RBFA: variants seen among roughly 807,000 people sequenced by gnomAD.
RBFA encodes the protein ribosome binding factor A, also known as putative ribosome-binding factor A, mitochondrial.
Under a neutral mutation model 27.9 loss-of-function variants are expected in RBFA, and 16 were observed. That is an observed-to-expected ratio of 0.57 (90% CI 0.39 to 0.87). RBFA has a LOEUF of 0.87. Ranked by LOEUF, RBFA falls within the 40% of genes least tolerant of loss-of-function variation. RBFA has a pLI of 0.00. For missense variants in RBFA, 456 were observed against 432.1 expected (o/e 1.06, Z -0.49); for synonymous variants, 181 against 181.0 (o/e 1.00, Z 0.00).
Position 80,047,489 on chromosome 18 carries a change from T to C in RBFA, c.*1334T>C, listed in dbSNP as rs2052064196. 6.6e-6 allele frequency: 1 copy of C among 152,366 alleles called. No homozygotes were observed. Among genetic ancestry groups the C allele is most frequent in the Non-Finnish European group, 1.5e-5 (1 of 68,086 alleles). The allele number at this position is 152,366 out of a possible 1,614,324, so 9.4% of individuals were successfully genotyped here. A position where few individuals can be genotyped will look rare whatever the true frequency, so the allele number is the denominator to read the frequency against. On this transcript the variant is annotated 3_prime_UTR_variant, in exon 7 of 7. Transcript: ENST00000306735. ...CCCTTGTTTTTCTTTTCATTTGTGC[T>C]CTGGGACTAAGCTGTGTATAAGTCA...
chr18:80,042,117 G>GT lies in RBFA; in HGVS notation c.492-17dup, dbSNP rs1555724144. On this transcript the variant is annotated splice_polypyrimidine_tract_variant and intron_variant, in intron 4 of 6. Transcript: ENST00000306735. The stretch of plus-strand genomic sequence containing the variant: ...TGTCACGGCACAGCTGTGAGGGTCT[G>GT]TGCGTTCTGTCTCCTAGGCACCTTT... 4 of 1,589,188 alleles carry GT rather than the reference G, an allele frequency of 2.5e-6. No homozygotes were observed. Among genetic ancestry groups the GT allele is most frequent in the Non-Finnish European group, 3.4e-6 (4 of 1,164,018 alleles).
At chr18:80,045,453 C>A (rs1389071165) in intron 6 of RBFA, among the ~76,000 whole-genome samples, 1 of 152,052 alleles carries the variant, frequency 6.6e-6, no homozygotes, top group Non-Finnish European at 1.5e-5. Flanking sequence ...TCTTGCACTC[C>A]TGACCTCGTG....
At chr18:80,039,914 A>G (rs1398299241) in intron 4 of RBFA, among the ~76,000 whole-genome samples, 2 of 152,166 alleles carry the variant, frequency 1.3e-5, no homozygotes, top group East Asian at 1.9e-4. Context: ...AACTATTTAT[A>G]TGTTTATTTA....
chr18:80,034,668 G>A lies in RBFA; in HGVS notation c.158+15G>A, dbSNP rs777141844. On this transcript the variant is annotated intron_variant, in intron 1 of 6. Transcript: ENST00000306735. The stretch of plus-strand genomic sequence containing the variant: ...TCGAAAACCAAGTAATGCGGCGGGG[G>A]CGGTGTCCCTGGGCGCGGTATTCCC... 10 of 1,607,054 alleles carry A rather than the reference G, an allele frequency of 6.2e-6. No homozygotes were observed. In the South Asian group the frequency reaches 1.0e-4, roughly 16 times the overall value.
rs757201580 is a variant in RBFA at position 80,034,531 on chromosome 18, C to T, written c.36C>T (p.Arg12=). The part of the protein sequence containing the change: ...WAAAGGLWRS[R]AGLRALFRSR... ...CGGCGGGCGGGCTGTGGCGCTCCCG[C>T]GCGGGTCTCCGGGCCCTGTTCCGTA... The change falls in exon 1 of 7, where the codon CGC becomes CGT. Residue 12 remains arginine, a synonymous_variant. Transcript: ENST00000306735. The T allele has an allele frequency of 1.9e-6, 3 of 1,589,158 alleles. No individual in the cohort carries two copies. The African/African-American group carries it at 4.2e-5, about 22-fold the overall frequency.
Position 80,048,440 on chromosome 18 carries a change from C to T in RBFA, c.*2285C>T, listed in dbSNP as rs2052071361. ...TTTGCATGCATCTGATGTGCCCAGG[C>T]TGTGTTTTATTGTTCTAGCAATTTA... is the stretch of plus-strand genomic sequence containing the variant. On this transcript the variant is annotated 3_prime_UTR_variant, in exon 7 of 7. Coordinates refer to ENST00000306735, the MANE Select transcript of RBFA (RefSeq NM_024805.3). Among the ~76,000 whole-genome samples, 1 of 152,176 alleles carries T rather than the reference C, an allele frequency of 6.6e-6. No individual in the cohort carries two copies. Among genetic ancestry groups the T allele is most frequent in the Non-Finnish European group, 1.5e-5 (1 of 68,042 alleles).
rs908012946 is a variant in RBFA, at chr18:80,048,910, T to C, written c.*2755T>C. 2.2e-5 allele frequency among the ~76,000 whole-genome samples: 3 copies of C among 139,306 alleles called. No homozygotes were observed. The highest frequency in any genetic ancestry group is 2.0e-4 in the East Asian group (1 of 4,924). 91.4% of individuals were successfully genotyped at this position (139,306 alleles called of 152,430 possible). A position where few individuals can be genotyped will look rare whatever the true frequency, so the allele number is the denominator to read the frequency against. ...GCTCAGTGCCTCCTAGAAAGTGGAG[T>C]GTGGGCACGTTTGCAGGGGATCCAA... On this transcript the variant is annotated 3_prime_UTR_variant, in exon 7 of 7. Transcript: ENST00000306735.
intron 1 of RBFA, chr18:80,035,428 A>T (rs1599764275): frequency 6.6e-6 from 1 of 152,018 alleles, no homozygotes; most frequent in African/African-American, 2.4e-5. Context: ...TGGCTGTGCC[A>T]GTTTTGAGGG....
In RBFA at chr18:80,046,860, C is replaced by G. The variant is rs960533788; in HGVS notation, c.*705C>G. The G allele has an allele frequency of 2.6e-5, 4 of 152,670 alleles. No homozygotes were observed. The highest frequency in any genetic ancestry group is 9.6e-5 in the African/African-American group (4 of 41,454). The allele number at this position is 152,670 out of a possible 1,614,324, so 9.5% of individuals were successfully genotyped here. On this transcript the variant is annotated 3_prime_UTR_variant, in exon 7 of 7. Transcript: ENST00000306735. ...CAGCTAGTGTATTTTCTAATCCATC[C>G]AAAGGTGAAACAGACTTGGTCTTTG... is the stretch of plus-strand genomic sequence containing the variant.
chr18:80,038,357 G>A (rs1003388658), intron 3 of RBFA, 148 bp from the exon 4 acceptor site: 29 of 591,986 alleles, frequency 4.9e-5, no homozygotes, highest in African/African-American at 4.3e-4. Flanking sequence ...GACATGGTGC[G>A]GCAGCAGGAG....
At chr18:80,041,968 C>T (rs988537308) in intron 4 of RBFA, 167 bp from the exon 5 acceptor site, 35 of 291,836 alleles carry the variant, frequency 1.2e-4, no homozygotes, top group Admixed American at 1.1e-3. Flanking sequence ...CCTCGTGATC[C>T]GCCCGCCTCG....
At chr18:80,037,660 C>T (rs184840934) in intron 3 of RBFA, among the ~76,000 whole-genome samples, 154 bp downstream of exon 3, 41 of 152,272 alleles carry the variant, frequency 2.7e-4, no homozygotes, top group African/African-American at 8.7e-4. Flanking sequence ...GAGGCTGAGG[C>T]GGGCGGATCA....
At chr18:80,036,569 G>A (rs1404406901) in intron 1 of RBFA, 99 bp from the exon 2 acceptor site, 4 of 758,552 alleles carry the variant, frequency 5.3e-6, no homozygotes, top group East Asian at 2.6e-5. Context: ...TCTAAGTTTA[G>A]CCCCCTATAA....
Position 80,034,566 on chromosome 18 carries a change from C to G in RBFA, c.71C>G (p.Ala24Gly), listed in dbSNP as rs765391076. 6.2e-7 allele frequency: 1 copy of G among 1,609,436 alleles called. No individual in the cohort carries two copies. Among genetic ancestry groups the G allele is most frequent in the Non-Finnish European group, 8.5e-7 (1 of 1,179,076 alleles). The stretch of plus-strand genomic sequence containing the variant: ...CGGGCCCTGTTCCGTAGCCGCGATG[C>G]TGCGCTATTTCCAGGCTGCGAGCGG... ...GLRALFRSRDAALFPGCERGL... is the reference protein window; with the variant it reads ...GLRALFRSRDGALFPGCERGL... Residue 24 changes from alanine to glycine, a missense_variant, in exon 1 of 7, where the codon GCT (alanine) becomes GGT (glycine). Coordinates refer to ENST00000306735, the MANE Select transcript of RBFA (RefSeq NM_024805.3).
chr18:80,049,247 C>T lies in RBFA; in HGVS notation c.*3092C>T, dbSNP rs139021695. 0.019 allele frequency among the ~76,000 whole-genome samples: 2,814 copies of T among 151,510 alleles called. 33 individuals are homozygous for T. Among genetic ancestry groups the T allele is most frequent in the Non-Finnish European group, 0.028 (1,913 of 67,770 alleles). On this transcript the variant is annotated 3_prime_UTR_variant, in exon 7 of 7. Transcript: ENST00000306735. ...GGATTTCCGCGGCCTTCCCTGGGAG[C>T]GGGTTAGGGACATGGAAGCTCACCC... is the stretch of plus-strand genomic sequence containing the variant.
chr18:80,038,999 C>T (rs1209658287), intron 4 of RBFA, among the ~76,000 whole-genome samples: 2 of 152,234 alleles, frequency 1.3e-5, no homozygotes, highest in Non-Finnish European at 2.9e-5. Flanking sequence ...GAGTAAAAGA[C>T]AATGTTACTT....
chr18:80,034,444 C>G lies in RBFA; in HGVS notation c.-52C>G, dbSNP rs2051957897. On this transcript the variant is annotated 5_prime_UTR_variant, in exon 1 of 7. Transcript: ENST00000306735. ...CGCCACCCTCGCGTCAGTTGTCGCT[C>G]CGCGCCTGCGCCCGTTGTCTCCCTG... 1 of 1,418,990 alleles carries G rather than the reference C, an allele frequency of 7.0e-7. No homozygotes were observed. Among genetic ancestry groups the G allele is most frequent in the Non-Finnish European group, 9.2e-7 (1 of 1,092,006 alleles). The allele number at this position is 1,418,990 out of a possible 1,614,324, so 87.9% of individuals were successfully genotyped here.
At position 80,049,335 on chromosome 18, in the gene RBFA, T is replaced by C. The variant is rs142201525; in HGVS notation, c.*3180T>C. Among the ~76,000 whole-genome samples the C allele has an allele frequency of 1.4e-4, 21 of 149,670 alleles. No individual in the cohort carries two copies. Among genetic ancestry groups the C allele is most frequent in the Non-Finnish European group, 2.4e-4 (16 of 67,384 alleles). ...CTTTCCTGGGAGCAGGTTAGGGACATGGAAGCTCACGCCCTTCTGAATGGG... is the reference window on the plus strand; with the variant it reads ...CTTTCCTGGGAGCAGGTTAGGGACACGGAAGCTCACGCCCTTCTGAATGGG... On this transcript the variant is annotated 3_prime_UTR_variant, in exon 7 of 7. Transcript: ENST00000306735.
At chr18:80,036,569 G>T in intron 1 of RBFA, 99 bp from the exon 2 acceptor site, 1 of 758,668 alleles carries the variant, frequency 1.3e-6, no homozygotes. Context: ...TCTAAGTTTA[G>T]CCCCCTATAA....
Sources: gnomAD v4.1 joint callset for allele counts (sites outside exome capture counted in the v4.1 genomes callset) on GRCh38, gnomAD v4.1.1 for gene constraint, MANE v1.5 for transcripts, NCBI Gene and HGNC (gene_info 2026-07-23, HGNC 2026-07-21) for gene names.